TEAD4: variants seen among roughly 807,000 people sequenced by gnomAD.
TEAD4 encodes transcriptional enhancer factor TEF-3.
A neutral mutation model predicts 52.4 loss-of-function variants in TEAD4; 36 were observed. The observed-to-expected ratio is 0.69, with a 90% CI of 0.53 to 0.91. TEAD4 has a LOEUF of 0.91. Ranked by LOEUF, TEAD4 falls within the 40% of genes least tolerant of loss-of-function variation. The pLI is 0.00. For synonymous variants in TEAD4, 220 were observed against 231.0 expected (o/e 0.95, Z 0.43); for missense variants, 508 against 583.9 (o/e 0.87, Z 1.34).
chr12:2,978,127 G>A (rs759577424), intron 2 of TEAD4, among the ~76,000 whole-genome samples: 13 of 151,788 alleles, frequency 8.6e-5, no homozygotes, highest in East Asian at 1.9e-4. Flanking sequence ...CCTGTATTTC[G>A]GGCCCAGGTC....
At chr12:2,961,340 T>C (rs937981363) in intron 2 of TEAD4, among the ~76,000 whole-genome samples, 4 of 151,750 alleles carry the variant, frequency 2.6e-5, no homozygotes, top group Non-Finnish European at 4.4e-5. Context: ...GCTTGTTGCA[T>C]GAGGGCTTCA....
chr12:2,979,827 G>GGGC (rs2153953610), intron 2 of TEAD4, among the ~76,000 whole-genome samples: 1 of 152,178 alleles, frequency 6.6e-6, no homozygotes, highest in African/African-American at 2.4e-5. Flanking sequence ...GAACTTTGAG[G>GGGC]GGCACGTTCA....
Position 3,038,113 on chromosome 12 carries a change from G to T in TEAD4, c.1038+5G>T. 1 of 1,610,804 alleles carries T rather than the reference G, an allele frequency of 6.2e-7. No homozygotes were observed. Among genetic ancestry groups the T allele is most frequent in the Non-Finnish European group, 8.5e-7 (1 of 1,177,642 alleles). On this transcript the variant is annotated splice_donor_5th_base_variant and intron_variant, in intron 11 of 12. Transcript: ENST00000359864. ...CAGGTGGTGGAGAAAGTTGAGGTAG[G>T]AGGCCACCCTGGCGGGTGAGGGCCG...
chr12:2,988,250 GGTCTGTAATCCCA>G (rs2098240227), intron 2 of TEAD4, among the ~76,000 whole-genome samples: 1 of 151,348 alleles, frequency 6.6e-6, no homozygotes, highest in African/African-American at 2.4e-5. Flanking sequence ...CGGTGGTTCA[GGTCTGTAATCCCA>G]GCACTTTGGG....
intron 5 of TEAD4, among the ~76,000 whole-genome samples, chr12:3,014,349 C>G (rs1179916289): frequency 2.6e-5 from 4 of 152,222 alleles, no homozygotes; most frequent in Non-Finnish European, 4.4e-5. Context: ...TGTCCTTGTC[C>G]ACAGGTTCTG....
intron 5 of TEAD4, chr12:3,017,093 G>C (rs2098265132): frequency 3.8e-6 from 2 of 523,680 alleles, no homozygotes; most frequent in Non-Finnish European, 7.4e-6. Flanking sequence ...CTGTGGTAGA[G>C]AGGTGAGCAA....
chr12:3,019,511 C>T, intron 8 of TEAD4, among the ~76,000 whole-genome samples: 1 of 152,214 alleles, frequency 6.6e-6, no homozygotes, highest in East Asian at 1.9e-4. Context: ...GCCTCACACA[C>T]CTGGTCCTGG....
At chr12:2,960,239 C>A (rs1229713273) in intron 2 of TEAD4, 199 bp downstream of exon 2, 6 of 962,314 alleles carry the variant, frequency 6.2e-6, no homozygotes, top group Non-Finnish European at 7.4e-6. Flanking sequence ...AAAGGGAGGC[C>A]GGTGTGGAAA....
chr12:2,962,830 C>G (rs912949290), intron 2 of TEAD4, among the ~76,000 whole-genome samples: 2 of 152,130 alleles, frequency 1.3e-5, no homozygotes, highest in African/African-American at 4.8e-5. Flanking sequence ...TGCTTAATGC[C>G]GCAACCCTGG....
intron 2 of TEAD4, among the ~76,000 whole-genome samples, chr12:2,962,949 C>G (rs1336628295): frequency 2.0e-5 from 3 of 152,208 alleles, no homozygotes; most frequent in Non-Finnish European, 4.4e-5. Context: ...CCGCCTTCAT[C>G]CAACAGGCGC....
chr12:3,002,146 AG>A lies in TEAD4; in HGVS notation c.226+7155del, dbSNP rs1341060437. The stretch of plus-strand genomic sequence containing the variant: ...TCCCCTTTTATGTCTGGCTTATTTC[AG>A]TTGGCATAATGTCCTTAAGGTTCAT... On this transcript the variant is annotated intron_variant, in intron 3 of 12. Coordinates refer to ENST00000359864, the MANE Select transcript of TEAD4 (RefSeq NM_003213.4). Among the ~76,000 whole-genome samples, 32 of 152,326 alleles carry A rather than the reference AG, an allele frequency of 2.1e-4. 1 individual carries two copies. In the East Asian group the frequency reaches 6.2e-3, roughly 29 times the overall value.
chr12:3,038,666 C>T (rs749364711), intron 11 of TEAD4, among the ~76,000 whole-genome samples: 5 of 152,214 alleles, frequency 3.3e-5, no homozygotes, highest in Non-Finnish European at 5.9e-5. Flanking sequence ...GCTAAACCCC[C>T]GGCCAAGGGC....
chr12:3,008,165 G>A (rs1184980582), intron 3 of TEAD4, among the ~76,000 whole-genome samples: 1 of 152,204 alleles, frequency 6.6e-6, no homozygotes, highest in Non-Finnish European at 1.5e-5. Flanking sequence ...GTGCTGTGGA[G>A]GAAAGTAAAG....
At chr12:3,007,529 TAGGACCC>T (rs1419450605) in intron 3 of TEAD4, among the ~76,000 whole-genome samples, 1 of 152,192 alleles carries the variant, frequency 6.6e-6, no homozygotes, top group Non-Finnish European at 1.5e-5. Flanking sequence ...GTTTACGCGT[TAGGACCC>T]AGCACTTACA....
chr12:3,023,464 T>A (rs1257190209), intron 10 of TEAD4, among the ~76,000 whole-genome samples: 1 of 152,102 alleles, frequency 6.6e-6, no homozygotes, highest in African/African-American at 2.4e-5. Context: ...GGTTAAAATG[T>A]TAATTAATAC....
At chr12:2,972,791 G>A (rs756777285) in intron 2 of TEAD4, among the ~76,000 whole-genome samples, 6 of 152,006 alleles carry the variant, frequency 3.9e-5, no homozygotes, top group Non-Finnish European at 5.9e-5. Context: ...GTGAGCCACC[G>A]CGCCTGTAGA....
rs570181054 is a variant in TEAD4, at chr12:3,032,274, G to C, written c.898-5694G>C. 2.0e-4 allele frequency among the ~76,000 whole-genome samples: 31 copies of C among 152,312 alleles called. 1 individual carries two copies. The South Asian group carries it at 6.4e-3, about 32-fold the overall frequency. ...GAGGGTTGGGACAGCTGGTGCCAAA[G>C]ACATGGGATTCAGCAGGTTCCCTTG... On this transcript the variant is annotated intron_variant, in intron 10 of 12. Coordinates refer to ENST00000359864, the MANE Select transcript of TEAD4 (RefSeq NM_003213.4).
chr12:2,991,319 C>A (rs1229391404), intron 2 of TEAD4, among the ~76,000 whole-genome samples: 2 of 152,180 alleles, frequency 1.3e-5, no homozygotes, highest in Admixed American at 1.3e-4. Flanking sequence ...GTTTTAAAAT[C>A]ATCTTATCTA....
At chr12:2,992,811 CA>C (rs2098244242) in intron 2 of TEAD4, among the ~76,000 whole-genome samples, 1 of 152,106 alleles carries the variant, frequency 6.6e-6, no homozygotes, top group Non-Finnish European at 1.5e-5. Context: ...ACTCATAACC[CA>C]AAAACTGCCT....
Sources: allele counts gnomAD v4.1 joint callset (sites outside exome capture counted in the v4.1 genomes callset), GRCh38; gene constraint gnomAD v4.1.1; transcripts MANE v1.5; gene names NCBI Gene and HGNC (gene_info 2026-07-23, HGNC 2026-07-21).